SPRED1: variants seen among roughly 807,000 people sequenced by gnomAD.
SPRED1 encodes sprouty-related, EVH1 domain-containing protein 1.
In SPRED1, 18 loss-of-function variants were observed where a neutral mutation model predicts 52.3. The ratio of observed to expected loss-of-function variants is 0.34; its 90% confidence interval spans 0.24 to 0.51. The LOEUF is 0.51. SPRED1 is among the 20% of genes least tolerant of loss of function. SPRED1 has a pLI of 0.97. For missense variants in SPRED1, 485 were observed against 551.0 expected (o/e 0.88, Z 1.20); for synonymous variants, 155 against 179.7 (o/e 0.86, Z 1.10).
chr15:38,274,294 A>G (rs1178190112), intron 1 of SPRED1, among the ~76,000 whole-genome samples: 1 of 152,214 alleles, frequency 6.6e-6, no homozygotes, highest in Non-Finnish European at 1.5e-5. Context: ...ACAGACTGGA[A>G]GGTGTACTGG....
At chr15:38,300,526 A>AT (rs999094904) in intron 2 of SPRED1, among the ~76,000 whole-genome samples, 6 of 151,724 alleles carry the variant, frequency 4.0e-5, no homozygotes, top group African/African-American at 7.3e-5. Context: ...GTTTCTTCAT[A>AT]TTTTTTTTAC....
intron 1 of SPRED1, among the ~76,000 whole-genome samples, chr15:38,278,664 A>T (rs144958276): frequency 1.3e-3 from 205 of 152,296 alleles, no homozygotes; most frequent in African/African-American, 4.7e-3. Context: ...TAATCTACAC[A>T]CATCCTCCCA....
At chr15:38,345,169 G>A (rs148161445) in intron 5 of SPRED1, among the ~76,000 whole-genome samples, 1 of 152,194 alleles carries the variant, frequency 6.6e-6, no homozygotes, top group East Asian at 1.9e-4. Context: ...TATTTTCTTA[G>A]GATACTAGGA....
At chr15:38,257,311 G>GCT (rs1198700110) in intron 1 of SPRED1, among the ~76,000 whole-genome samples, 3 of 152,026 alleles carry the variant, frequency 2.0e-5, no homozygotes, top group African/African-American at 7.2e-5. Flanking sequence ...GATGGCAAAT[G>GCT]CTCTACAAAT....
rs549352605 is a variant in SPRED1, at chr15:38,269,220, G to A, written c.32+16003G>A. Among the ~76,000 whole-genome samples, 125 of 152,166 alleles carry A rather than the reference G, an allele frequency of 8.2e-4. 2 individuals are homozygous for A. Among genetic ancestry groups the A allele is most frequent in the Admixed American group, 1.5e-3 (23 of 15,282 alleles). The stretch of plus-strand genomic sequence containing the variant: ...GCCTCCCAAAGTGCTGGGATTCCAG[G>A]CGTGAGCCACCGCACCCAGCCAGTA... On this transcript the variant is annotated intron_variant, in intron 1 of 6. Coordinates refer to ENST00000299084, the MANE Select transcript of SPRED1 (RefSeq NM_152594.3).
Position 38,352,574 on chromosome 15 carries a change from T to C in SPRED1, c.*910T>C, listed in dbSNP as rs1305646512. 1 of 152,540 alleles carries C rather than the reference T, an allele frequency of 6.6e-6. No homozygotes were observed. Among genetic ancestry groups the C allele is most frequent in the Non-Finnish European group, 1.5e-5 (1 of 67,972 alleles). The allele number at this position is 152,540 out of a possible 1,614,324, so 9.4% of individuals were successfully genotyped here. A position where few individuals can be genotyped will look rare whatever the true frequency, so the allele number is the denominator to read the frequency against. On this transcript the variant is annotated 3_prime_UTR_variant, in exon 7 of 7. Transcript: ENST00000299084. Reference sequence around the variant, plus strand: ...GAAGTTTTTTAGTTGTTTTTTGTGGTATTCAACCAGCAAGTTGTTTTCTTT... The same window carrying C: ...GAAGTTTTTTAGTTGTTTTTTGTGGCATTCAACCAGCAAGTTGTTTTCTTT...
intron 6 of SPRED1, among the ~76,000 whole-genome samples, chr15:38,350,198 G>GGTT (rs1416368062): frequency 1.3e-5 from 2 of 152,154 alleles, no homozygotes; most frequent in African/African-American, 2.4e-5. Context: ...TCAAGATCAA[G>GGTT]GTTGTTGGTA....
At chr15:38,264,438 G>A (rs1185992229) in intron 1 of SPRED1, among the ~76,000 whole-genome samples, 1 of 152,168 alleles carries the variant, frequency 6.6e-6, no homozygotes, top group South Asian at 2.1e-4. Flanking sequence ...GAGTGTAAGT[G>A]GGAAAAATGG....
chr15:38,296,275 G>A (rs1443563918), intron 1 of SPRED1, among the ~76,000 whole-genome samples: 13 of 152,042 alleles, frequency 8.6e-5, no homozygotes, highest in African/African-American at 1.4e-4. Context: ...GACACTTTGC[G>A]TTTCAGACAG....
intron 5 of SPRED1, among the ~76,000 whole-genome samples, chr15:38,348,497 A>G (rs1321219640): frequency 6.6e-6 from 1 of 151,952 alleles, no homozygotes; most frequent in African/African-American, 2.4e-5. Flanking sequence ...ATGATAGTTA[A>G]CTTTTAAAAC....
chr15:38,332,606 C>T (rs1654947164), intron 4 of SPRED1, among the ~76,000 whole-genome samples: 1 of 152,138 alleles, frequency 6.6e-6, no homozygotes, highest in Non-Finnish European at 1.5e-5. Flanking sequence ...TTTATTATGG[C>T]TTAAGGAGCT....
intron 1 of SPRED1, among the ~76,000 whole-genome samples, chr15:38,297,556 A>G (rs1389623324): frequency 6.6e-6 from 1 of 152,248 alleles, no homozygotes; most frequent in Non-Finnish European, 1.5e-5. Context: ...CCTCTGAATA[A>G]CTAAATAATA....
intron 4 of SPRED1, among the ~76,000 whole-genome samples, chr15:38,325,507 A>G (rs1016609413): frequency 2.0e-5 from 3 of 152,016 alleles, no homozygotes; most frequent in African/African-American, 7.2e-5. Flanking sequence ...GGTTGGCAGA[A>G]TGGGCAGGCA....
chr15:38,256,053 G>A (rs2056499), intron 1 of SPRED1, among the ~76,000 whole-genome samples: 123 of 152,248 alleles, frequency 8.1e-4, no homozygotes, highest in African/African-American at 2.9e-3. Flanking sequence ...TAGGCTGACT[G>A]TGAGAATATA....
At chr15:38,337,718 A>G (rs993072293) in intron 4 of SPRED1, among the ~76,000 whole-genome samples, 4 of 152,152 alleles carry the variant, frequency 2.6e-5, no homozygotes, top group Non-Finnish European at 5.9e-5. Flanking sequence ...AGATATTTTT[A>G]AAGTCAGCTT....
At chr15:38,346,440 T>C (rs1896138334) in intron 5 of SPRED1, among the ~76,000 whole-genome samples, 3 of 152,242 alleles carry the variant, frequency 2.0e-5, no homozygotes, top group African/African-American at 2.4e-5. Flanking sequence ...TAGACAAATA[T>C]GACAGCATAT....
At chr15:38,316,593 G>A (rs908428630) in intron 2 of SPRED1, among the ~76,000 whole-genome samples, 6 of 151,744 alleles carry the variant, frequency 4.0e-5, no homozygotes, top group Non-Finnish European at 8.8e-5. Flanking sequence ...TCCTAAAGCC[G>A]GCTCCAGCCA....
chr15:38,299,529 G>C lies in SPRED1; in HGVS notation c.189G>C (p.Glu63Asp), dbSNP rs2140978555. The C allele has an allele frequency of 6.2e-7, 1 of 1,613,946 alleles. No individual in the cohort carries two copies. The highest frequency in any genetic ancestry group is 8.5e-7 in the Non-Finnish European group (1 of 1,179,894). ...GTGCTGACTTTTTTATCCGTGGAGA[G>C]CGACTCAGGGACAAAATGGTAATGA... ...NGCADFFIRG[E>D]RLRDKMVVLE... The change falls in exon 2 of 7, where the codon GAG becomes GAC. Residue 63 changes from glutamate (E) to aspartate (D), a missense_variant. Physicochemically the swap from Glu to Asp is conservative, Grantham distance 45. Transcript: ENST00000299084.
intron 1 of SPRED1, among the ~76,000 whole-genome samples, chr15:38,254,788 G>C (rs936754443): frequency 6.6e-6 from 1 of 152,210 alleles, no homozygotes; most frequent in Non-Finnish European, 1.5e-5. Flanking sequence ...TCAGAGTGCA[G>C]TACAGTCTCT....
Sources: gnomAD v4.1 joint callset for allele counts (sites outside exome capture counted in the v4.1 genomes callset) on GRCh38, gnomAD v4.1.1 for gene constraint, MANE v1.5 for transcripts, NCBI Gene and HGNC (gene_info 2026-07-23, HGNC 2026-07-21) for gene names.